Variants in DET1 observed in about 807,000 individuals in gnomAD.
DET1 encodes the protein DET1 homolog.
DET1 carries 22 observed loss-of-function variants against 43.7 expected under a neutral mutation model. The observed-to-expected ratio is 0.50, with a 90% CI of 0.36 to 0.72. The LOEUF is 0.72. Among genes scored for constraint, DET1 ranks in the 30% least tolerant of loss-of-function variants. The probability of loss-of-function intolerance (pLI) is 0.00; values close to 1 mark genes in which losing one functional copy is unlikely to be tolerated. For missense variants in DET1, 713 were observed against 713.3 expected, an observed-to-expected ratio of 1.00 and a Z score of 0.00; for synonymous variants, 315 against 266.2, an observed-to-expected ratio of 1.18 and a Z score of -1.79.
intron 1 of DET1, among the ~76,000 whole-genome samples, chr15:88,535,853 C>T (rs971070514): frequency 2.0e-5 from 3 of 151,830 alleles, no homozygotes; most frequent in African/African-American, 7.3e-5. Context: ...AGGAAGGAAG[C>T]AAGGGAAGGA....
chr15:88,544,686 T>C (rs1198632981), intron 1 of DET1, among the ~76,000 whole-genome samples: 2 of 152,152 alleles, frequency 1.3e-5, no homozygotes, highest in Non-Finnish European at 2.9e-5. Flanking sequence ...CTGCTTAGAT[T>C]CATCACTCCT....
At chr15:88,522,947 T>C (rs1370050393) in intron 3 of DET1, among the ~76,000 whole-genome samples, 1 of 151,446 alleles carries the variant, frequency 6.6e-6, no homozygotes, top group Non-Finnish European at 1.5e-5. Context: ...AGTAGCTTGA[T>C]CTCGGTTCAC....
chr15:88,510,609 AG>A (rs1295724936), downstream of DET1, among the ~76,000 whole-genome samples: 1 of 152,170 alleles, frequency 6.6e-6, no homozygotes, highest in East Asian at 1.9e-4. Flanking sequence ...AGACTGCAAA[AG>A]CAATACATAT....
At chr15:88,528,187 A>G (rs1483369870) in intron 2 of DET1, among the ~76,000 whole-genome samples, 2 of 152,266 alleles carry the variant, frequency 1.3e-5, no homozygotes, top group African/African-American at 4.8e-5. Flanking sequence ...AATAAAAAGC[A>G]CTTCTTAAAA....
intron 7 of DET1, among the ~76,000 whole-genome samples, chr15:88,506,620 TA>T (rs2056144816): frequency 6.6e-6 from 1 of 152,220 alleles, no homozygotes. Context: ...GGAAAGTCCC[TA>T]AGGGCTTCTA....
chr15:88,536,504 G>A (rs576479654), intron 1 of DET1: 3 of 540,166 alleles, frequency 5.6e-6, no homozygotes, highest in East Asian at 6.5e-5. Flanking sequence ...AACTGGCCGG[G>A]TGCAGTGGCT....
rs758603465 is a variant in DET1 at position 88,527,798 on chromosome 15, AAG to A, written c.1084-14_1084-13del. On this transcript the variant is annotated splice_polypyrimidine_tract_variant and intron_variant, in intron 2 of 4. Transcript: ENST00000268148. ...ACAAAGAAAGATGCCTGCAGAAGAAAAGAGAGAGAGGTATGGGACAGCTGAGT... is the reference window on the plus strand; with the variant it reads ...ACAAAGAAAGATGCCTGCAGAAGAAAAGAGAGAGGTATGGGACAGCTGAGT... 6 of 1,574,966 alleles carry A rather than the reference AAG, an allele frequency of 3.8e-6. No individual in the cohort carries two copies. Among genetic ancestry groups the A allele is most frequent in the South Asian group, 1.2e-5 (1 of 86,408 alleles).
Position 88,530,856 on chromosome 15 carries a change from C to T in DET1, c.850G>A (p.Ala284Thr), listed in dbSNP as rs1486653964. The T allele has an allele frequency of 1.9e-6, 3 of 1,613,946 alleles. No homozygotes were observed. The highest frequency in any genetic ancestry group is 2.2e-5 in the East Asian group (1 of 44,872). Residue 284 changes from alanine to threonine, a missense_variant, in exon 2 of 5, where the codon GCC becomes ACC. Physicochemically the swap from Ala to Thr is moderately conservative, Grantham distance 58. Coordinates refer to ENST00000268148, the MANE Select transcript of DET1 (RefSeq NM_001144074.3). ...EVQRDSQTGMANPFRDPFINS... is the reference protein window; with the variant it reads ...EVQRDSQTGMTNPFRDPFINS... ...ATGAAAGGATCCCTAAAGGGATTGG[C>T]CATGCCTGTCTGACTGTCCCGCTGT...
chr15:88,512,552 G>A lies in DET1; in HGVS notation c.*399C>T. The stretch of plus-strand genomic sequence containing the variant: ...CCGTGCTTATGAGCTAAATGGAAAG[G>A]ATGTATGTCATTCTCATCAGTAAAC... On this transcript the variant is annotated 3_prime_UTR_variant, in exon 5 of 5. Transcript: ENST00000268148. The A allele has an allele frequency of 3.0e-6, 3 of 997,002 alleles. No homozygotes were observed. Among genetic ancestry groups the A allele is most frequent in the Non-Finnish European group, 3.6e-6 (3 of 837,376 alleles). The allele number at this position is 997,002 out of a possible 1,614,324, so 61.8% of individuals were successfully genotyped here.
Position 88,530,768 on chromosome 15 carries a change from G to C in DET1, c.938C>G (p.Ala313Gly), listed in dbSNP as rs1229712496. 3.1e-6 allele frequency: 5 copies of C among 1,613,908 alleles called. No individual in the cohort carries two copies. The South Asian group carries it at 4.4e-5, about 14-fold the overall frequency. The stretch of plus-strand genomic sequence containing the variant: ...CTGGAAGAAGCGCCTCTTGGCCATT[G>C]CACTACCATCCTGTTCTGCCCGGCG... ...LWRRAEQDGS[A>G]MAKRRFFQYF... The change falls in exon 2 of 5, where the codon GCA becomes GGA. Residue 313 changes from alanine to glycine, a missense_variant. Ala to Gly is a moderately conservative substitution (Grantham distance 60). Transcript: ENST00000268148.
intron 3 of DET1, among the ~76,000 whole-genome samples, chr15:88,524,347 C>A (rs1000909828): frequency 6.0e-5 from 9 of 151,002 alleles, no homozygotes; most frequent in African/African-American, 2.2e-4. Context: ...AGGTGGGGGG[C>A]AGCCCCTGCC....
chr15:88,506,215 C>T (rs916703423), intron 7 of DET1, among the ~76,000 whole-genome samples: 8 of 152,208 alleles, frequency 5.3e-5, no homozygotes, highest in Non-Finnish European at 8.8e-5. Flanking sequence ...AAATTACCCC[C>T]GTTTTACAGA....
intron 1 of DET1, among the ~76,000 whole-genome samples, chr15:88,539,115 C>G (rs12902382): frequency 7.4e-6 from 1 of 134,478 alleles, no homozygotes; most frequent in African/African-American, 2.8e-5. Context: ...CTCTCTCTCT[C>G]TTTCTCTTAT....
chr15:88,532,736 A>G (rs1245096350), intron 1 of DET1, among the ~76,000 whole-genome samples: 1 of 152,224 alleles, frequency 6.6e-6, no homozygotes, highest in East Asian at 1.9e-4. Context: ...CTGAATAGCC[A>G]CATGCAAAAG....
At chr15:88,532,002 A>G in intron 1 of DET1, 2 of 301,090 alleles carry the variant, frequency 6.6e-6, no homozygotes, top group Non-Finnish European at 1.2e-5. Context: ...ACAAATTTGA[A>G]CAGTATAAGA....
intron 1 of DET1, among the ~76,000 whole-genome samples, chr15:88,538,519 A>T (rs2057009838): frequency 6.6e-6 from 1 of 151,874 alleles, no homozygotes; most frequent in African/African-American, 2.4e-5. Context: ...ATAAAAGTTA[A>T]TCAAGCCCCT....
downstream of DET1, among the ~76,000 whole-genome samples, chr15:88,512,075 C>T (rs1237128024): frequency 1.3e-5 from 2 of 152,228 alleles, no homozygotes; most frequent in East Asian, 1.9e-4. Context: ...CTCAGCCATC[C>T]AGGAACAGCC....
intron 1 of DET1, among the ~76,000 whole-genome samples, chr15:88,545,717 G>C (rs895285623): frequency 1.3e-5 from 2 of 150,500 alleles, no homozygotes; most frequent in African/African-American, 4.9e-5. Flanking sequence ...AACACAAGTG[G>C]GGAATGTAAT....
chr15:88,537,694 T>C (rs2056989493), intron 1 of DET1, among the ~76,000 whole-genome samples: 1 of 152,220 alleles, frequency 6.6e-6, no homozygotes, highest in Non-Finnish European at 1.5e-5. Flanking sequence ...CTCATCACAG[T>C]GTTTGACACA....
Sources: gnomAD v4.1 joint callset for allele counts (sites outside exome capture counted in the v4.1 genomes callset) on GRCh38, gnomAD v4.1.1 for gene constraint, MANE v1.5 for transcripts, NCBI Gene and HGNC (gene_info 2026-07-23, HGNC 2026-07-21) for gene names.